Variants in FHOD3 observed in about 807,000 individuals in gnomAD.
FHOD3 encodes formin homology 2 domain containing 3, also known as FH1/FH2 domain-containing protein 3.
A neutral mutation model predicts 173.0 loss-of-function variants in FHOD3; 90 were observed. The observed-to-expected ratio is 0.52, with a 90% CI of 0.44 to 0.62. FHOD3 has a LOEUF of 0.62. Among genes scored for constraint, FHOD3 ranks in the 20% least tolerant of loss-of-function variants. The probability of loss-of-function intolerance (pLI) is 0.00; values close to 1 mark genes in which losing one functional copy is unlikely to be tolerated. For missense variants in FHOD3, 1,945 were observed against 2,034.7 expected, an observed-to-expected ratio of 0.96 and a Z score of 0.85; for synonymous variants, 828 against 823.0, an observed-to-expected ratio of 1.01 and a Z score of -0.10.
At chr18:36,758,170 T>C (rs1181217476) in intron 25 of FHOD3, among the ~76,000 whole-genome samples, 1 of 152,236 alleles carries the variant, frequency 6.6e-6, no homozygotes, top group Non-Finnish European at 1.5e-5. Context: ...TGTTGTCTCT[T>C]GTCACAATGC....
intron 3 of FHOD3, among the ~76,000 whole-genome samples, chr18:36,397,055 C>G (rs1239303464): frequency 6.6e-6 from 1 of 152,184 alleles, no homozygotes; most frequent in Non-Finnish European, 1.5e-5. Context: ...GCAGTTTCTC[C>G]TATCCTGGAA....
chr18:36,679,012 A>T (rs972540452), intron 14 of FHOD3, among the ~76,000 whole-genome samples: 1 of 152,186 alleles, frequency 6.6e-6, no homozygotes, highest in African/African-American at 2.4e-5. Context: ...TTCCTTGAGT[A>T]GTAGAAATCA....
At chr18:36,377,705 T>C (rs562245641) in intron 3 of FHOD3, among the ~76,000 whole-genome samples, 31 of 152,182 alleles carry the variant, frequency 2.0e-4, no homozygotes, top group Non-Finnish European at 3.5e-4. Context: ...CAGATGCAGC[T>C]GGCCCTCTGT....
At chr18:36,364,881 G>C (rs1252189230) in intron 2 of FHOD3, among the ~76,000 whole-genome samples, 1 of 152,094 alleles carries the variant, frequency 6.6e-6, no homozygotes, top group Admixed American at 6.6e-5. Context: ...AGGAGATTTA[G>C]GGTGTCTGAA....
At chr18:36,661,856 A>G (rs901099566) in intron 14 of FHOD3, among the ~76,000 whole-genome samples, 10 of 152,214 alleles carry the variant, frequency 6.6e-5, no homozygotes, top group Non-Finnish European at 1.5e-4. Flanking sequence ...TTAGAAATAG[A>G]GTAATATTTT....
intron 8 of FHOD3, among the ~76,000 whole-genome samples, chr18:36,605,991 A>G (rs1199795855): frequency 6.6e-6 from 1 of 152,180 alleles, no homozygotes; most frequent in African/African-American, 2.4e-5. Context: ...GTAAAATAGG[A>G]GAAAGCACAC....
intron 2 of FHOD3, among the ~76,000 whole-genome samples, chr18:36,368,920 A>G (rs2047031588): frequency 1.3e-5 from 2 of 152,080 alleles, no homozygotes; most frequent in African/African-American, 4.8e-5. Flanking sequence ...CCTCCCTCAC[A>G]CCTGGGGATT....
chr18:36,589,909 C>G (rs567302566), intron 6 of FHOD3, among the ~76,000 whole-genome samples: 1 of 152,228 alleles, frequency 6.6e-6, no homozygotes, highest in African/African-American at 2.4e-5. Context: ...GGTGCTTGAG[C>G]CTGTAAGTTG....
At chr18:36,526,391 C>T (rs2056514622) in intron 5 of FHOD3, among the ~76,000 whole-genome samples, 1 of 151,848 alleles carries the variant, frequency 6.6e-6, no homozygotes, top group Admixed American at 6.6e-5. Context: ...TTATTCTTTG[C>T]TTAGTCACTC....
At chr18:36,627,921 A>T (rs1469534002) in intron 10 of FHOD3, among the ~76,000 whole-genome samples, 1 of 152,220 alleles carries the variant, frequency 6.6e-6, no homozygotes, top group Non-Finnish European at 1.5e-5. Flanking sequence ...CCTCATGTAC[A>T]TATATGCACA....
intron 3 of FHOD3, among the ~76,000 whole-genome samples, chr18:36,493,540 G>C (rs990668964): frequency 1.3e-5 from 2 of 152,156 alleles, no homozygotes; most frequent in African/African-American, 4.8e-5. Context: ...AGGGAAATGG[G>C]CGTCACCCAA....
chr18:36,683,960 A>G (rs977766760), intron 15 of FHOD3, among the ~76,000 whole-genome samples: 3 of 152,258 alleles, frequency 2.0e-5, no homozygotes, highest in Non-Finnish European at 2.9e-5. Flanking sequence ...CTGGAGGACC[A>G]TAAAAGGAAA....
intron 3 of FHOD3, among the ~76,000 whole-genome samples, chr18:36,451,790 C>T (rs1255967050): frequency 1.3e-5 from 2 of 152,160 alleles, no homozygotes; most frequent in African/African-American, 2.4e-5. Flanking sequence ...ACAGGGGTGT[C>T]CCATCCTGCG....
At position 36,758,981 on chromosome 18, in the gene FHOD3, A is replaced by T. The variant is rs564914249; in HGVS notation, c.4426-137A>T. On this transcript the variant is annotated intron_variant, in intron 25 of 28. Coordinates refer to ENST00000590592, the MANE Select transcript of FHOD3 (RefSeq NM_001281740.3). ...GCCTGGCAGCTCCCAACTCAAGAGG[A>T]TGTATCCTGGTTGTGGTGACCAGTT... 103 of 905,378 alleles carry T rather than the reference A, an allele frequency of 1.1e-4. 1 individual carries two copies. In the East Asian group the frequency reaches 2.0e-3, roughly 18 times the overall value. The allele number at this position is 905,378 out of a possible 1,614,324, so 56.1% of individuals were successfully genotyped here. A position where few individuals can be genotyped will look rare whatever the true frequency, so the allele number is the denominator to read the frequency against.
intron 3 of FHOD3, among the ~76,000 whole-genome samples, chr18:36,435,932 A>C (rs1353396150): frequency 6.6e-6 from 1 of 152,190 alleles, no homozygotes; most frequent in African/African-American, 2.4e-5. Context: ...ACGACAGAAA[A>C]ATATTCTAGA....
chr18:36,525,488 G>A (rs2056469866), intron 5 of FHOD3, among the ~76,000 whole-genome samples: 2 of 152,274 alleles, frequency 1.3e-5, no homozygotes, highest in South Asian at 4.2e-4. Context: ...TCTGCACCAT[G>A]GAAACTGTGA....
intron 18 of FHOD3, among the ~76,000 whole-genome samples, chr18:36,715,985 T>G (rs1391130703): frequency 6.6e-6 from 1 of 152,182 alleles, no homozygotes; most frequent in Non-Finnish European, 1.5e-5. Flanking sequence ...TATGGGCATG[T>G]GTGTCTGGGG....
chr18:36,636,890 G>A (rs2148924492), intron 10 of FHOD3, among the ~76,000 whole-genome samples: 1 of 152,216 alleles, frequency 6.6e-6, no homozygotes, highest in Middle Eastern at 3.4e-3. Flanking sequence ...GACTTCAGAA[G>A]CTATTTTTTC....
At chr18:36,655,039 CTTTTTTTTTCCTTCTT>C (rs1262071372) in intron 13 of FHOD3, among the ~76,000 whole-genome samples, 3 of 140,678 alleles carry the variant, frequency 2.1e-5, no homozygotes, top group Non-Finnish European at 4.6e-5. Flanking sequence ...AACTGAGCTT[CTTTTTTTTTCCTTCTT>C]TTTTTTTTTT....
Sources: allele counts gnomAD v4.1 joint callset (sites outside exome capture counted in the v4.1 genomes callset), GRCh38; gene constraint gnomAD v4.1.1; transcripts MANE v1.5; gene names NCBI Gene and HGNC (gene_info 2026-07-23, HGNC 2026-07-21).